FGF12: variants seen among roughly 807,000 people sequenced by gnomAD.
The protein encoded by FGF12 is fibroblast growth factor 12B.
A neutral mutation model predicts 23.6 loss-of-function variants in FGF12; 14 were observed. That is an observed-to-expected ratio of 0.59 (90% confidence interval 0.39 to 0.93). The LOEUF is 0.93. FGF12 is among the 40% of genes least tolerant of loss of function. The pLI is 0.00. For missense variants in FGF12, 175 were observed against 217.8 expected (o/e 0.80, Z 1.24); for synonymous variants, 62 against 77.3 (o/e 0.80, Z 1.04).
At chr3:192,380,750 T>G (rs897093982) in intron 2 of FGF12, among the ~76,000 whole-genome samples, 56 of 152,058 alleles carry the variant, frequency 3.7e-4, no homozygotes, top group African/African-American at 1.3e-3. Context: ...AATGGCTTTC[T>G]CTCCCTTGGA....
intron 2 of FGF12, among the ~76,000 whole-genome samples, chr3:192,668,347 A>G (rs1716975889): frequency 6.6e-6 from 1 of 152,200 alleles, no homozygotes; most frequent in Non-Finnish European, 1.5e-5. Context: ...GGGAAGGAAT[A>G]TAAACATTGG....
intron 2 of FGF12, among the ~76,000 whole-genome samples, chr3:192,651,311 C>A (rs1222490204): frequency 6.6e-6 from 1 of 152,162 alleles, no homozygotes; most frequent in Non-Finnish European, 1.5e-5. Flanking sequence ...CAGGGGACTT[C>A]TTTCTGAACT....
intron 2 of FGF12, among the ~76,000 whole-genome samples, chr3:192,430,689 G>T (rs375868819): frequency 2.0e-5 from 3 of 152,110 alleles, no homozygotes; most frequent in South Asian, 4.1e-4. Flanking sequence ...ATTTATTGGG[G>T]TCCTATTATG....
chr3:192,190,419 C>G (rs951201668), intron 4 of FGF12, among the ~76,000 whole-genome samples: 10 of 150,878 alleles, frequency 6.6e-5, no homozygotes, highest in African/African-American at 2.4e-4. Context: ...TTTATATAAA[C>G]CAACTATACA....
intron 4 of FGF12, among the ~76,000 whole-genome samples, chr3:192,227,152 C>T (rs1287482605): frequency 6.6e-6 from 1 of 152,068 alleles, no homozygotes; most frequent in African/African-American, 2.4e-5. Context: ...GTTACAGCGG[C>T]TCAAACAGAC....
rs184232985 is a variant in FGF12, at chr3:192,497,361, C to T, written c.14-136823G>A. Among the ~76,000 whole-genome samples, 347 of 152,266 alleles carry T rather than the reference C, an allele frequency of 2.3e-3. 1 individual carries two copies. Among genetic ancestry groups the T allele is most frequent in the Admixed American group, 6.8e-3 (104 of 15,292 alleles). On this transcript the variant is annotated intron_variant, in intron 2 of 5. Coordinates refer to ENST00000445105, the MANE Select transcript of FGF12 (RefSeq NM_004113.6). ...TGTGTCACTACTCAACACATTATCA[C>T]CCTATTCCAAACCTCCCACCAGAAA... is the stretch of plus-strand genomic sequence containing the variant.
At chr3:192,419,387 C>A (rs1440662321) in intron 2 of FGF12, among the ~76,000 whole-genome samples, 1 of 152,074 alleles carries the variant, frequency 6.6e-6, no homozygotes, top group Non-Finnish European at 1.5e-5. Context: ...GTTTGAAGAA[C>A]TTGAGTATTG....
chr3:192,368,546 A>G (rs1404753280), intron 2 of FGF12, among the ~76,000 whole-genome samples: 1 of 152,210 alleles, frequency 6.6e-6, no homozygotes, highest in East Asian at 1.9e-4. Context: ...CAGCAAGTAT[A>G]AAGCAATCCT....
At chr3:192,243,582 T>G (rs1560031345) in intron 4 of FGF12, among the ~76,000 whole-genome samples, 2 of 151,462 alleles carry the variant, frequency 1.3e-5, no homozygotes, top group Non-Finnish European at 2.9e-5. Context: ...ATATCCAACT[T>G]AAGCATAAAA....
At chr3:192,589,030 T>A (rs1266343946) in intron 2 of FGF12, among the ~76,000 whole-genome samples, 1 of 151,916 alleles carries the variant, frequency 6.6e-6, no homozygotes, top group African/African-American at 2.4e-5. Flanking sequence ...AATTTCACAC[T>A]TTATTAGCTT....
chr3:192,685,597 C>A (rs1478469035), intron 2 of FGF12, among the ~76,000 whole-genome samples: 1 of 151,802 alleles, frequency 6.6e-6, no homozygotes, highest in Admixed American at 6.6e-5. Context: ...GCACATCAGA[C>A]AAGGGGAAAG....
At chr3:192,494,321 C>T (rs1229247786) in intron 2 of FGF12, among the ~76,000 whole-genome samples, 3 of 152,188 alleles carry the variant, frequency 2.0e-5, no homozygotes, top group African/African-American at 4.8e-5. Context: ...TCTGTTTGTA[C>T]AATAACAGTC....
At position 192,692,669 on chromosome 3, in the gene FGF12, A is replaced by G. The variant is rs570170962; in HGVS notation, c.13+34512T>C. ...TGCAGTGAGCTAAGATCACACCACT[A>G]TAATCCAGCAGCCTGGGTGACAGAG... On this transcript the variant is annotated intron_variant, in intron 2 of 5. Coordinates refer to ENST00000445105, the MANE Select transcript of FGF12 (RefSeq NM_004113.6). Among the ~76,000 whole-genome samples, 1,156 of 151,788 alleles carry G rather than the reference A, an allele frequency of 7.6e-3. 4 individuals are homozygous for G. Among genetic ancestry groups the G allele is most frequent in the Non-Finnish European group, 0.013 (873 of 67,914 alleles).
intron 4 of FGF12, among the ~76,000 whole-genome samples, chr3:192,332,253 A>C (rs915493874): frequency 6.6e-6 from 1 of 152,150 alleles, no homozygotes; most frequent in Admixed American, 6.6e-5. Flanking sequence ...ACACTAAAAA[A>C]TATTTAGCAA....
intron 2 of FGF12, among the ~76,000 whole-genome samples, chr3:192,483,726 C>G (rs1463837876): frequency 6.6e-6 from 1 of 151,630 alleles, no homozygotes; most frequent in African/African-American, 2.4e-5. Flanking sequence ...TATTTGGATG[C>G]ATTAAAAGGA....
At chr3:192,292,607 T>C (rs1175175943) in intron 4 of FGF12, among the ~76,000 whole-genome samples, 2 of 152,170 alleles carry the variant, frequency 1.3e-5, no homozygotes, top group Non-Finnish European at 1.5e-5. Context: ...GTCTAAGATA[T>C]TGAAATAAAC....
intron 4 of FGF12, among the ~76,000 whole-genome samples, chr3:192,325,032 G>T (rs1416845004): frequency 1.3e-5 from 2 of 152,066 alleles, no homozygotes; most frequent in Non-Finnish European, 1.5e-5. Flanking sequence ...AGTTAAAAAT[G>T]GATGCTTACT....
intron 4 of FGF12, among the ~76,000 whole-genome samples, chr3:192,229,012 T>C (rs1036055797): frequency 1.3e-5 from 2 of 152,064 alleles, no homozygotes; most frequent in Non-Finnish European, 2.9e-5. Context: ...TCAGATAATT[T>C]CAGGCTATGG....
At chr3:192,575,183 A>G (rs1355616100) in intron 2 of FGF12, among the ~76,000 whole-genome samples, 3 of 152,226 alleles carry the variant, frequency 2.0e-5, no homozygotes, top group Non-Finnish European at 2.9e-5. Flanking sequence ...TTGCCTAAGG[A>G]TGGAGAGGAG....
Sources: gnomAD v4.1 joint callset for allele counts (sites outside exome capture counted in the v4.1 genomes callset) on GRCh38, gnomAD v4.1.1 for gene constraint, MANE v1.5 for transcripts, NCBI Gene and HGNC (gene_info 2026-07-23, HGNC 2026-07-21) for gene names.